DENND1A: variants seen among roughly 807,000 people sequenced by gnomAD.
DENND1A encodes the protein DENN domain-containing protein 1A.
Under a neutral mutation model 113.7 loss-of-function variants are expected in DENND1A, and 51 were observed. That is an observed-to-expected ratio of 0.45 (90% confidence interval 0.36 to 0.57). The LOEUF (loss-of-function observed/expected upper bound fraction) is 0.57. DENND1A is among the 20% of genes least tolerant of loss of function. The pLI is 0.00. For synonymous variants in DENND1A, 565 were observed against 570.8 expected, an observed-to-expected ratio of 0.99 and a Z score of 0.14; for missense variants, 1,258 against 1,395.9, an observed-to-expected ratio of 0.90 and a Z score of 1.57.
intron 9 of DENND1A, among the ~76,000 whole-genome samples, chr9:123,649,559 G>A (rs781105415): frequency 2.4e-4 from 36 of 152,176 alleles, no homozygotes; most frequent in Non-Finnish European, 4.7e-4. Context: ...CCCCTGGGAT[G>A]AGTGTTTTAT....
chr9:123,414,202 C>T, intron 19 of DENND1A: 1 of 1,107,514 alleles, frequency 9.0e-7, no homozygotes, highest in Non-Finnish European at 1.1e-6. Flanking sequence ...TTACTGTCCT[C>T]ATCTGTGAAG....
chr9:123,564,904 CTG>C (rs2136200817), intron 12 of DENND1A, among the ~76,000 whole-genome samples: 1 of 151,460 alleles, frequency 6.6e-6, no homozygotes, highest in East Asian at 1.9e-4. Flanking sequence ...TACATTCTCA[CTG>C]TGTCTTTCAT....
intron 9 of DENND1A, among the ~76,000 whole-genome samples, chr9:123,636,452 G>C (rs1187666530): frequency 6.6e-6 from 1 of 152,082 alleles, no homozygotes; most frequent in African/African-American, 2.4e-5. Context: ...GAGTAGCTGG[G>C]ATTACAGGCA....
chr9:123,687,120 A>G (rs1241879498), intron 5 of DENND1A, among the ~76,000 whole-genome samples: 2 of 152,190 alleles, frequency 1.3e-5, no homozygotes, highest in African/African-American at 4.8e-5. Context: ...GCAGGTAAAG[A>G]AAGGAAGAAG....
At chr9:123,817,976 G>A (rs371558998) in intron 2 of DENND1A, among the ~76,000 whole-genome samples, 3 of 150,944 alleles carry the variant, frequency 2.0e-5, no homozygotes, top group African/African-American at 7.3e-5. Flanking sequence ...GCGGTGAGCC[G>A]ACATCACACC....
chr9:123,595,472 C>T (rs915994719), intron 11 of DENND1A, among the ~76,000 whole-genome samples: 4 of 152,168 alleles, frequency 2.6e-5, no homozygotes, highest in African/African-American at 9.7e-5. Context: ...GGGCTCCCCG[C>T]CTCTCCTTGT....
intron 19 of DENND1A, chr9:123,437,856 A>G (rs2046640412): frequency 6.6e-6 from 1 of 152,158 alleles, no homozygotes; most frequent in Non-Finnish European, 1.5e-5. Context: ...AAAAAAGAGA[A>G]TATATACCAT....
At position 123,381,370 on chromosome 9, in the gene DENND1A, C is replaced by A. The variant is rs1202204771; in HGVS notation, c.*62G>T. The A allele has an allele frequency of 6.8e-7, 1 of 1,460,578 alleles. No individual in the cohort carries two copies. Among genetic ancestry groups the A allele is most frequent in the East Asian group, 2.4e-5 (1 of 41,366 alleles). The allele number at this position is 1,460,578 out of a possible 1,614,324, so 90.5% of individuals were successfully genotyped here. A position where few individuals can be genotyped will look rare whatever the true frequency, so the allele number is the denominator to read the frequency against. The stretch of plus-strand genomic sequence containing the variant: ...CAGAGAGAGAGTGGCGGGGGAGCCT[C>A]GGAACCGCAGCAGTGGACGGACCCT... On this transcript the variant is annotated 3_prime_UTR_variant, in exon 24 of 24. Transcript: ENST00000394215. The surrounding 1 kb of genome is among the most constrained non-coding windows in gnomAD (Gnocchi z 4.7).
chr9:123,664,544 T>C (rs2063403519), intron 8 of DENND1A, among the ~76,000 whole-genome samples: 1 of 152,020 alleles, frequency 6.6e-6, no homozygotes, highest in African/African-American at 2.4e-5. Context: ...GTTCATTGTT[T>C]TCTAAATTTT....
intron 13 of DENND1A, among the ~76,000 whole-genome samples, chr9:123,460,400 C>T (rs1427952064): frequency 1.3e-5 from 2 of 152,182 alleles, no homozygotes; most frequent in African/African-American, 4.8e-5. Context: ...CAGCATCACT[C>T]ATCCACTGAT....
chr9:123,621,276 C>T (rs1444364467), intron 10 of DENND1A, among the ~76,000 whole-genome samples: 5 of 151,938 alleles, frequency 3.3e-5, no homozygotes, highest in African/African-American at 1.2e-4. Context: ...ACCATCACCC[C>T]CCAGGTTCAA....
At chr9:123,514,482 G>GTCTACTTC (rs1375065894) in intron 13 of DENND1A, among the ~76,000 whole-genome samples, 1 of 152,102 alleles carries the variant, frequency 6.6e-6, no homozygotes. Flanking sequence ...GACAGAGGAG[G>GTCTACTTC]CCTAACCTCG....
chr9:123,794,538 GC>G (rs1308695119), intron 2 of DENND1A, among the ~76,000 whole-genome samples: 1 of 152,092 alleles, frequency 6.6e-6, no homozygotes, highest in Non-Finnish European at 1.5e-5. Context: ...TTACTATCAT[GC>G]CCTCTTTCTT....
At chr9:123,662,581 A>C (rs1041316772) in intron 8 of DENND1A, among the ~76,000 whole-genome samples, 3 of 152,188 alleles carry the variant, frequency 2.0e-5, no homozygotes, top group Non-Finnish European at 4.4e-5. Context: ...GAAGAGAGTT[A>C]TTTTTAGTCA....
intron 13 of DENND1A, among the ~76,000 whole-genome samples, chr9:123,523,535 G>A (rs1347212974): frequency 2.0e-5 from 3 of 152,216 alleles, no homozygotes; most frequent in Admixed American, 6.5e-5. Flanking sequence ...GTCACCAGGT[G>A]AAAAAGTTCA....
At chr9:123,494,552 C>T (rs1432127714) in intron 13 of DENND1A, among the ~76,000 whole-genome samples, 1 of 152,188 alleles carries the variant, frequency 6.6e-6, no homozygotes, top group Non-Finnish European at 1.5e-5. Flanking sequence ...GGTTACAGAA[C>T]ACACCCTTAA....
At chr9:123,512,607 C>T (rs1385464702) in intron 13 of DENND1A, among the ~76,000 whole-genome samples, 9 of 152,198 alleles carry the variant, frequency 5.9e-5, no homozygotes, top group African/African-American at 1.2e-4. Flanking sequence ...ACTGACAGAG[C>T]GTCACAGACC....
chr9:123,821,433 C>T (rs895891334), intron 2 of DENND1A, among the ~76,000 whole-genome samples: 2 of 152,162 alleles, frequency 1.3e-5, no homozygotes, highest in African/African-American at 4.8e-5. Context: ...AAGAATACGA[C>T]AGCATCTAGC....
chr9:123,494,125 G>A (rs1173884636), intron 13 of DENND1A, among the ~76,000 whole-genome samples: 1 of 152,202 alleles, frequency 6.6e-6, no homozygotes. Context: ...AATGACAGCT[G>A]CTTCACTGTC....
Sources: gnomAD v4.1 joint callset for allele counts (sites outside exome capture counted in the v4.1 genomes callset) on GRCh38, gnomAD v4.1.1 for gene constraint, Gnocchi (gnomAD v3.1) non-coding constraint, MANE v1.5 for transcripts, NCBI Gene and HGNC (gene_info 2026-07-23, HGNC 2026-07-21) for gene names.